The following KPNA7 variants were observed in gnomAD, a reference collection of about 807,000 sequenced individuals.
KPNA7 encodes the protein importin subunit alpha-8.
KPNA7 carries 54 observed loss-of-function variants against 53.7 expected under a neutral mutation model. That is an observed-to-expected ratio of 1.01 (90% CI 0.81 to 1.26). The LOEUF is 1.26. KPNA7 is among the 50% of genes most tolerant of loss of function. The probability of loss-of-function intolerance (pLI) is 0.00; values close to 1 mark genes in which losing one functional copy is unlikely to be tolerated. For synonymous variants in KPNA7, 276 were observed against 259.3 expected (o/e 1.06, Z -0.62); for missense variants, 640 against 644.5 (o/e 0.99, Z 0.07).
chr7:99,204,019 T>C (rs372577663), intron 2 of KPNA7, among the ~76,000 whole-genome samples: 3 of 151,964 alleles, frequency 2.0e-5, no homozygotes, highest in African/African-American at 7.2e-5. Flanking sequence ...CCATTTCCAC[T>C]ATTAATGAAA....
the KPNA7 span, among the ~76,000 whole-genome samples, chr7:99,160,650 ATTCTC>A: frequency 2.0e-4 from 30 of 152,020 alleles, no homozygotes; most frequent in East Asian, 1.9e-4. Flanking sequence ...CTTACATTTG[ATTCTC>A]TTCTATTTCT....
intron 1 of KPNA7, among the ~76,000 whole-genome samples, chr7:99,218,037 G>A (rs1184713882): frequency 1.3e-5 from 2 of 151,160 alleles, no homozygotes; most frequent in Admixed American, 6.6e-5. Context: ...GGCCAGAGGG[G>A]CTGCAGGCCA....
At chr7:99,201,195 G>T (rs548751969) in intron 3 of KPNA7, among the ~76,000 whole-genome samples, 1 of 152,228 alleles carries the variant, frequency 6.6e-6, no homozygotes, top group South Asian at 2.1e-4. Flanking sequence ...AGACGGTGGG[G>T]GATGAGGAAT....
the KPNA7 span, among the ~76,000 whole-genome samples, chr7:99,156,276 T>C: frequency 6.6e-6 from 1 of 152,212 alleles, no homozygotes; most frequent in Non-Finnish European, 1.5e-5. Context: ...TCTAAATTTA[T>C]GGTTATAATT....
chr7:99,179,323 G>A (rs1429816596), intron 9 of KPNA7, among the ~76,000 whole-genome samples: 3 of 151,924 alleles, frequency 2.0e-5, no homozygotes, highest in Non-Finnish European at 4.4e-5. Context: ...TTGGGAGGCC[G>A]AGGTGAGAGG....
intron 7 of KPNA7, among the ~76,000 whole-genome samples, chr7:99,187,555 ATTTTTT>A (rs36042018): frequency 0.035 from 4,377 of 124,420 alleles, 238 homozygotes; most frequent in African/African-American, 0.12. Flanking sequence ...CACCCAGCTA[ATTTTTT>A]TTTTTTTTTT....
upstream of KPNA7, among the ~76,000 whole-genome samples, chr7:99,211,578 GAAC>G (rs67762539): frequency 0.061 from 9,261 of 152,242 alleles, 310 homozygotes; most frequent in South Asian, 0.15. Flanking sequence ...GTTGGAGATA[GAAC>G]AACAGAGTTA....
chr7:99,217,048 G>A (rs1234829252), intron 1 of KPNA7, among the ~76,000 whole-genome samples: 1 of 152,150 alleles, frequency 6.6e-6, no homozygotes, highest in African/African-American at 2.4e-5. Context: ...TTTAAATTAA[G>A]ACATGTCATC....
At chr7:99,173,076 A>AAG (rs1798800008), downstream of KPNA7, among the ~76,000 whole-genome samples, 1 of 151,428 alleles carries the variant, frequency 6.6e-6, no homozygotes, top group Non-Finnish European at 1.5e-5. Flanking sequence ...AAAAAAAAAA[A>AAG]AAAAAAAAGA....
chr7:99,147,497 A>G, the KPNA7 span, among the ~76,000 whole-genome samples: 2 of 152,244 alleles, frequency 1.3e-5, no homozygotes, highest in Non-Finnish European at 2.9e-5. Flanking sequence ...ACTCCATTAA[A>G]AGTTGATAAA....
At chr7:99,215,187 C>T (rs1166571496) in intron 1 of KPNA7, among the ~76,000 whole-genome samples, 1 of 151,636 alleles carries the variant, frequency 6.6e-6, no homozygotes, top group Non-Finnish European at 1.5e-5. Context: ...GCTTGGTCAA[C>T]ATGGTGAAAC....
At chr7:99,152,365 AAAAG>A in the KPNA7 span, among the ~76,000 whole-genome samples, 1 of 151,898 alleles carries the variant, frequency 6.6e-6, no homozygotes, top group Non-Finnish European at 1.5e-5. Flanking sequence ...CTCAAAAAAA[AAAAG>A]AAAAAGAAAA....
rs751465188 is a variant in KPNA7, at chr7:99,182,703, T to C, written c.1135-638A>G. Among the ~76,000 whole-genome samples, 163 of 151,966 alleles carry C rather than the reference T, an allele frequency of 1.1e-3. 1 individual carries two copies. The highest frequency in any genetic ancestry group is 1.7e-3 in the Non-Finnish European group (119 of 68,010). ...AAGAAGGCAGGAGACTCAGGTGGGG[T>C]CTTAGAGGGAAGCTCTAAGATCAGA... is the stretch of plus-strand genomic sequence containing the variant. On this transcript the variant is annotated intron_variant, in intron 8 of 10. Coordinates refer to ENST00000327442, the MANE Select transcript of KPNA7 (RefSeq NM_001145715.3).
chr7:99,188,333 T>G lies in KPNA7; in HGVS notation c.867A>C (p.Val289=), dbSNP rs767510250. The G allele has an allele frequency of 1.3e-6, 2 of 1,551,566 alleles. No homozygotes were observed. Among genetic ancestry groups the G allele is most frequent in the South Asian group, 2.4e-5 (2 of 84,062 alleles). The part of the protein sequence containing the change: ...VVNTGVLPRL[V]VLMTSSELNV... Reference sequence around the variant, plus strand: ...TGAGTTCTGAGCTGGTCATGAGCACTACCAGCCTGGGCAGGACCCCCGTGT... The same window carrying G: ...TGAGTTCTGAGCTGGTCATGAGCACGACCAGCCTGGGCAGGACCCCCGTGT... The change falls in exon 7 of 11, where the codon GTA becomes GTC. Residue 289 remains valine (V), a synonymous_variant. Coordinates refer to ENST00000327442, the MANE Select transcript of KPNA7 (RefSeq NM_001145715.3).
chr7:99,146,744 AAAAAC>A, the KPNA7 span, among the ~76,000 whole-genome samples: 63 of 128,822 alleles, frequency 4.9e-4, 2 homozygotes, highest in African/African-American at 1.9e-3. Flanking sequence ...AAAAAAAAAA[AAAAAC>A]AACGGAAAAT....
chr7:99,184,189 G>C (rs565950360), intron 8 of KPNA7, among the ~76,000 whole-genome samples: 140 of 136,566 alleles, frequency 1.0e-3, no homozygotes, highest in South Asian at 3.2e-3. Context: ...GGGTCTCACT[G>C]TGTCACAGAG....
chr7:99,193,640 A>G (rs1371540546), intron 5 of KPNA7, among the ~76,000 whole-genome samples: 1 of 152,050 alleles, frequency 6.6e-6, no homozygotes, highest in Non-Finnish European at 1.5e-5. Context: ...CAACTTCTCT[A>G]ATAGGCACTT....
Position 99,182,053 on chromosome 7 carries a change from C to A in KPNA7, c.1147G>T (p.Val383Phe), listed in dbSNP as rs760540560. 5.2e-6 allele frequency: 8 copies of A among 1,534,504 alleles called. No individual in the cohort carries two copies. Among genetic ancestry groups the A allele is most frequent in the Non-Finnish European group, 6.2e-6 (7 of 1,134,900 alleles). ...VALLKNGEFK[V>F]QKEAVWMVAN... is the part of the protein sequence containing the mutation. The stretch of plus-strand genomic sequence containing the variant: ...ACCATCCAGACAGCCTCTTTCTGGA[C>A]TTTAAATTCTCCCTGCAGAACAAGA... Residue 383 changes from valine (V) to phenylalanine (F), a missense_variant, in exon 9 of 11, where the codon GTC becomes TTC. Physicochemically the swap from Val to Phe is conservative, Grantham distance 50. Coordinates refer to ENST00000327442, the MANE Select transcript of KPNA7 (RefSeq NM_001145715.3).
chr7:99,156,442 C>T, the KPNA7 span, among the ~76,000 whole-genome samples: 2 of 152,052 alleles, frequency 1.3e-5, no homozygotes, highest in African/African-American at 2.4e-5. Flanking sequence ...CGCATTGAAT[C>T]CAGGGATTGA....
Sources: allele counts gnomAD v4.1 joint callset (sites outside exome capture counted in the v4.1 genomes callset), GRCh38; gene constraint gnomAD v4.1.1; transcripts MANE v1.5; gene names NCBI Gene and HGNC (gene_info 2026-07-23, HGNC 2026-07-21).